AMPH: variants seen among roughly 807,000 people sequenced by gnomAD.
AMPH encodes the protein amphiphysin (Stiff-Mann syndrome with breast cancer 128kD autoantigen).
In AMPH, 49 loss-of-function variants were observed where a neutral mutation model predicts 99.1. The observed-to-expected ratio is 0.49, with a 90% CI of 0.39 to 0.63. The LOEUF (loss-of-function observed/expected upper bound fraction) is 0.63. Among genes scored for constraint, AMPH ranks in the 20% least tolerant of loss-of-function variants. The pLI, the probability that AMPH is intolerant of heterozygous loss-of-function variation, is 0.00. For missense variants in AMPH, 759 were observed against 863.4 expected (o/e 0.88, Z 1.52); for synonymous variants, 314 against 317.3 (o/e 0.99, Z 0.11).
chr7:38,456,305 G>A (rs181670198), intron 11 of AMPH, among the ~76,000 whole-genome samples: 5 of 152,286 alleles, frequency 3.3e-5, no homozygotes, highest in East Asian at 1.9e-4. Context: ...TAGCAGGTCC[G>A]CAGGGCAGTG....
chr7:38,540,581 T>A (rs1452968396), intron 1 of AMPH, among the ~76,000 whole-genome samples: 1 of 148,276 alleles, frequency 6.7e-6, no homozygotes, highest in Non-Finnish European at 1.5e-5. Context: ...GTGGTTGGCA[T>A]TTAAAGTCAA....
At chr7:38,444,980 C>CATATATATCCATATATATATAT (rs1423731934) in intron 11 of AMPH, among the ~76,000 whole-genome samples, 35 of 21,260 alleles carry the variant, frequency 1.6e-3, no homozygotes, top group Admixed American at 4.2e-3. Flanking sequence ...GAAATATATC[C>CATATATATCCATATATATATAT]ATATATATAC....
chr7:38,599,862 G>T (rs1297703575), intron 1 of AMPH, among the ~76,000 whole-genome samples: 2 of 151,544 alleles, frequency 1.3e-5, no homozygotes, highest in Admixed American at 6.6e-5. Context: ...TAGTATAAAT[G>T]AATTAACAAA....
intron 20 of AMPH, among the ~76,000 whole-genome samples, chr7:38,386,113 A>G (rs1256711679): frequency 6.7e-6 from 1 of 149,004 alleles, no homozygotes. Context: ...AGACAGCCCA[A>G]TTTTTGAAGG....
rs753314715 is a variant in AMPH, at chr7:38,461,396, G to A, written c.904C>T (p.Pro302Ser). ...GTGACTTTAGGTAGAGGTGGGACAGGAGGCCCTTTCCTTGTCTAGGAAGCA... is the reference window on the plus strand; with the variant it reads ...GTGACTTTAGGTAGAGGTGGGACAGAAGGCCCTTTCCTTGTCTAGGAAGCA... ...RSPSQTRKGPPVPPLPKVTPT... is the reference protein window; with the variant it reads ...RSPSQTRKGPSVPPLPKVTPT... Residue 302 changes from proline to serine, a missense_variant, in exon 11 of 21, where the codon CCT (proline) becomes TCT (serine). By Grantham distance (74) the Pro-to-Ser change is moderately conservative. This residue lies in a region of AMPH where 554 missense variants were observed against 575.6 expected (regional missense o/e 0.96). Transcript: ENST00000356264. The A allele has an allele frequency of 9.9e-6, 16 of 1,614,138 alleles. No individual in the cohort carries two copies. Among genetic ancestry groups the A allele is most frequent in the Middle Eastern group, 1.7e-4 (1 of 6,054 alleles).
chr7:38,628,710 T>C (rs1562870863), intron 1 of AMPH, among the ~76,000 whole-genome samples: 1 of 152,182 alleles, frequency 6.6e-6, no homozygotes, highest in South Asian at 2.1e-4. Flanking sequence ...TATCAAATGG[T>C]AGTAAAATTT....
intron 2 of AMPH, among the ~76,000 whole-genome samples, chr7:38,514,988 C>T (rs1311015389): frequency 2.6e-5 from 4 of 152,196 alleles, no homozygotes; most frequent in South Asian, 2.1e-4. Flanking sequence ...GGGTGATTCT[C>T]GTGAGGGCTC....
Position 38,447,926 on chromosome 7 carries a change from C to T in AMPH, c.1018-11538G>A, listed in dbSNP as rs536539403. Among the ~76,000 whole-genome samples the T allele has an allele frequency of 3.9e-5, 6 of 152,118 alleles. No homozygotes were observed. In the South Asian group the frequency reaches 1.2e-3, roughly 32 times the overall value. On this transcript the variant is annotated intron_variant, in intron 11 of 20. Transcript: ENST00000356264. The stretch of plus-strand genomic sequence containing the variant: ...ATATTTTGAAAACCTTTACTATATC[C>T]TAAGTATTGTGCTGGACACTTGTGA...
At chr7:38,389,734 T>C in intron 20 of AMPH, 70 bp downstream of exon 20, 1 of 1,151,906 alleles carries the variant, frequency 8.7e-7, no homozygotes, top group Non-Finnish European at 1.3e-6. Flanking sequence ...CTTTAGGAAG[T>C]GATTGTGTCC....
intron 1 of AMPH, among the ~76,000 whole-genome samples, chr7:38,575,694 T>C (rs1047099557): frequency 2.6e-5 from 4 of 152,104 alleles, no homozygotes; most frequent in African/African-American, 9.7e-5. Context: ...GAACTGTGAG[T>C]CAATTAAACC....
rs113399152 is a variant in AMPH, at chr7:38,618,078, G to T, written c.69+13205C>A. Among the ~76,000 whole-genome samples the T allele has an allele frequency of 3.1e-3, 474 of 152,234 alleles. 2 individuals are homozygous for T. The highest frequency in any genetic ancestry group is 0.011 in the African/African-American group (459 of 41,528). ...TTGCTTTATTTTTTAATGAGCAAAT[G>T]AGTTAATAATTGTTTATTAAACAGA... is the stretch of plus-strand genomic sequence containing the variant. On this transcript the variant is annotated intron_variant, in intron 1 of 20. Coordinates refer to ENST00000356264, the MANE Select transcript of AMPH (RefSeq NM_001635.4).
intron 1 of AMPH, among the ~76,000 whole-genome samples, chr7:38,562,489 G>A (rs550161113): frequency 6.6e-6 from 1 of 152,292 alleles, no homozygotes; most frequent in East Asian, 1.9e-4. Context: ...CAGCAGAGAA[G>A]GGAAGAAAGA....
At chr7:38,406,715 T>TCTC (rs1562732260) in intron 17 of AMPH, among the ~76,000 whole-genome samples, 7 of 117,412 alleles carry the variant, frequency 6.0e-5, no homozygotes, top group East Asian at 6.2e-4. Flanking sequence ...TCTCCTCTCC[T>TCTC]CTCTCTCTCC....
intron 1 of AMPH, among the ~76,000 whole-genome samples, chr7:38,596,785 C>A (rs528401108): frequency 4.6e-5 from 7 of 152,188 alleles, no homozygotes; most frequent in Non-Finnish European, 8.8e-5. Flanking sequence ...CCCAGTGGAC[C>A]CTCCATTCCA....
chr7:38,533,375 G>C (rs1790484377), intron 2 of AMPH, among the ~76,000 whole-genome samples: 1 of 152,124 alleles, frequency 6.6e-6, no homozygotes, highest in African/African-American at 2.4e-5. Context: ...CTCATGTTCA[G>C]ATATAACACG....
At chr7:38,542,303 T>C (rs147570146) in intron 1 of AMPH, among the ~76,000 whole-genome samples, 1 of 152,334 alleles carries the variant, frequency 6.6e-6, no homozygotes, top group Non-Finnish European at 1.5e-5. Flanking sequence ...GAGACTCGGA[T>C]AAACACCAGA....
chr7:38,415,572 G>A (rs1308525591), intron 17 of AMPH, among the ~76,000 whole-genome samples: 1 of 152,048 alleles, frequency 6.6e-6, no homozygotes, highest in African/African-American at 2.4e-5. Context: ...TCTACTTTAG[G>A]AAACAAAAAT....
rs1343955594 is a variant in AMPH at position 38,436,350 on chromosome 7, C to T, written c.1056G>A (p.Leu352=). The part of the protein sequence containing the change: ...VPEVKKEETL[L]DLDFDPFKPE... ...GCTTGAAAGGATCAAAGTCCAGATCCAGCAAAGTCTCCTCTTTCTTCACCT... is the reference window on the plus strand; with the variant it reads ...GCTTGAAAGGATCAAAGTCCAGATCTAGCAAAGTCTCCTCTTTCTTCACCT... The change falls in exon 12 of 21, where the codon CTG becomes CTA. Residue 352 remains leucine (L), a synonymous_variant. Coordinates refer to ENST00000356264, the MANE Select transcript of AMPH (RefSeq NM_001635.4). 6.2e-7 allele frequency: 1 copy of T among 1,614,150 alleles called. No individual in the cohort carries two copies. Among genetic ancestry groups the T allele is most frequent in the Admixed American group, 1.7e-5 (1 of 60,024 alleles).
At chr7:38,394,351 G>T in intron 17 of AMPH, 137 bp from the exon 18 acceptor site, 1 of 886,738 alleles carries the variant, frequency 1.1e-6, no homozygotes, top group Non-Finnish European at 1.7e-6. Flanking sequence ...CAGGATTTAG[G>T]TACAGCAGAA....
Sources: gnomAD v4.1 joint callset for allele counts (sites outside exome capture counted in the v4.1 genomes callset) on GRCh38, gnomAD v4.1.1 for gene constraint, gnomAD v4.1.1 regional missense constraint, MANE v1.5 for transcripts, NCBI Gene and HGNC (gene_info 2026-07-23, HGNC 2026-07-21) for gene names.